ADAMTSL1: variants seen among roughly 807,000 people sequenced by gnomAD.
ADAMTSL1 encodes the protein ADAMTS like 1.
Under a neutral mutation model 201.8 loss-of-function variants are expected in ADAMTSL1, and 126 were observed. That is an observed-to-expected ratio of 0.62 (90% confidence interval 0.54 to 0.72). The LOEUF (loss-of-function observed/expected upper bound fraction) is 0.72. Ranked by LOEUF, ADAMTSL1 falls within the 30% of genes least tolerant of loss-of-function variation. ADAMTSL1 has a pLI of 0.00. For synonymous variants in ADAMTSL1, 1,121 were observed against 903.4 expected (o/e 1.24, Z -4.32); for missense variants, 2,679 against 2,277.8 (o/e 1.18, Z -3.59).
chr9:18,138,449 G>T (rs1301110645), intron 1 of ADAMTSL1, among the ~76,000 whole-genome samples: 1 of 152,098 alleles, frequency 6.6e-6, no homozygotes, highest in East Asian at 1.9e-4. Flanking sequence ...CTGTAGGTTT[G>T]CAAACCTGCA....
intron 2 of ADAMTSL1, among the ~76,000 whole-genome samples, chr9:18,324,575 A>G (rs1340400010): frequency 1.3e-5 from 2 of 151,908 alleles, no homozygotes; most frequent in East Asian, 3.9e-4. Context: ...AACCAGCCTG[A>G]CCAACACGGT....
At chr9:17,929,953 G>C (rs1431619346) in intron 1 of ADAMTSL1, among the ~76,000 whole-genome samples, 1 of 152,124 alleles carries the variant, frequency 6.6e-6, no homozygotes, top group Non-Finnish European at 1.5e-5. Flanking sequence ...CTAGTTCAGT[G>C]CCTGGCATTG....
chr9:18,387,999 T>C (rs1318821412), intron 2 of ADAMTSL1, among the ~76,000 whole-genome samples: 2 of 146,084 alleles, frequency 1.4e-5, no homozygotes, highest in East Asian at 1.9e-4. Context: ...ATGAGGAATT[T>C]ATATCTTTTT....
intron 3 of ADAMTSL1, among the ~76,000 whole-genome samples, chr9:18,558,623 T>A (rs982011826): frequency 1.8e-4 from 28 of 152,110 alleles, no homozygotes; most frequent in African/African-American, 6.8e-4. Context: ...TACACTTCCA[T>A]CAACAGTGTA....
chr9:18,055,941 G>T (rs548998707), intron 1 of ADAMTSL1, among the ~76,000 whole-genome samples: 1 of 152,126 alleles, frequency 6.6e-6, no homozygotes, highest in African/African-American at 2.4e-5. Context: ...TTAAAAATAC[G>T]CTCATTAATT....
intron 15 of ADAMTSL1, among the ~76,000 whole-genome samples, chr9:18,735,748 C>CTTTTCTTTTCTTTT (rs762386875): frequency 7.5e-5 from 8 of 106,664 alleles, no homozygotes; most frequent in South Asian, 3.1e-4. Context: ...ATTCTTTTTT[C>CTTTTCTTTTCTTTT]TTTTTTTTTT....
At chr9:18,250,403 G>A (rs13294676) in intron 2 of ADAMTSL1, among the ~76,000 whole-genome samples, 2,461 of 152,318 alleles carry the variant, frequency 0.016, 34 homozygotes, top group Non-Finnish European at 0.027. Context: ...TACCAGTGAG[G>A]ACTGTGGTTC....
intron 23 of ADAMTSL1, among the ~76,000 whole-genome samples, chr9:18,849,297 T>G (rs1453835836): frequency 3.3e-5 from 5 of 152,178 alleles, no homozygotes; most frequent in African/African-American, 1.2e-4. Flanking sequence ...CCCACATACC[T>G]CCACCCTTCA....
intron 1 of ADAMTSL1, among the ~76,000 whole-genome samples, chr9:18,051,030 A>G (rs1046145078): frequency 7.2e-5 from 11 of 152,254 alleles, no homozygotes; most frequent in African/African-American, 9.6e-5. Flanking sequence ...GGCCGGGTGC[A>G]GTGGCTCACG....
chr9:18,011,988 G>C (rs1328693053), intron 1 of ADAMTSL1, among the ~76,000 whole-genome samples: 1 of 152,050 alleles, frequency 6.6e-6, no homozygotes, highest in African/African-American at 2.4e-5. Flanking sequence ...CCCAGTGTTA[G>C]CATTCAGAGT....
At chr9:18,851,931 T>G (rs1408990968) in intron 23 of ADAMTSL1, among the ~76,000 whole-genome samples, 1 of 152,154 alleles carries the variant, frequency 6.6e-6, no homozygotes, top group Admixed American at 6.5e-5. Context: ...CTTCAGGTGT[T>G]TTCTCCTAGG....
chr9:18,306,896 A>T (rs1447914544), intron 2 of ADAMTSL1, among the ~76,000 whole-genome samples: 1 of 152,202 alleles, frequency 6.6e-6, no homozygotes, highest in Non-Finnish European at 1.5e-5. Context: ...TAATTGTCAA[A>T]TTCACCAAGG....
intron 1 of ADAMTSL1, among the ~76,000 whole-genome samples, chr9:18,047,508 C>G (rs540390978): frequency 3.3e-5 from 5 of 152,112 alleles, no homozygotes; most frequent in Admixed American, 6.5e-5. Flanking sequence ...AAGGTAGTGA[C>G]TGCAAGAAGC....
At chr9:18,584,913 C>G (rs1197468957) in intron 4 of ADAMTSL1, among the ~76,000 whole-genome samples, 2 of 152,142 alleles carry the variant, frequency 1.3e-5, no homozygotes, top group African/African-American at 4.8e-5. Context: ...AAATAAATTT[C>G]CATTTATTAT....
At chr9:18,114,235 A>G (rs938528316) in intron 1 of ADAMTSL1, among the ~76,000 whole-genome samples, 2 of 152,178 alleles carry the variant, frequency 1.3e-5, no homozygotes, top group African/African-American at 4.8e-5. Flanking sequence ...AAAGTTGGCC[A>G]TTTGATGAAA....
At chr9:18,406,982 T>G (rs1443735979) in intron 2 of ADAMTSL1, among the ~76,000 whole-genome samples, 3 of 152,232 alleles carry the variant, frequency 2.0e-5, no homozygotes, top group Non-Finnish European at 2.9e-5. Flanking sequence ...ATAAAAGATT[T>G]ATGTATTCAT....
chr9:18,511,063 C>T (rs1296057768), intron 2 of ADAMTSL1, among the ~76,000 whole-genome samples: 1 of 152,064 alleles, frequency 6.6e-6, no homozygotes, highest in African/African-American at 2.4e-5. Context: ...ATCTGTCTCC[C>T]TGTATTAAGT....
At chr9:18,155,355 G>C (rs1440999856) in intron 1 of ADAMTSL1, among the ~76,000 whole-genome samples, 1 of 151,992 alleles carries the variant, frequency 6.6e-6, no homozygotes, top group Non-Finnish European at 1.5e-5. Flanking sequence ...ATGCTAGAAT[G>C]GTAGTGAACT....
At chr9:18,742,304 G>A (rs1818877877) in intron 15 of ADAMTSL1, among the ~76,000 whole-genome samples, 1 of 152,184 alleles carries the variant, frequency 6.6e-6, no homozygotes. Context: ...CTACAAATCA[G>A]TAAATAGAGA....
Sources: gnomAD v4.1 joint callset for allele counts (sites outside exome capture counted in the v4.1 genomes callset) on GRCh38, gnomAD v4.1.1 for gene constraint, MANE v1.5 for transcripts, NCBI Gene and HGNC (gene_info 2026-07-23, HGNC 2026-07-21) for gene names.